The following SCUBE1 variants were observed in gnomAD, a reference collection of about 807,000 sequenced individuals.
SCUBE1 encodes signal peptide, CUB and EGF-like domain-containing protein 1.
Under a neutral mutation model 124.4 loss-of-function variants are expected in SCUBE1, and 59 were observed. The ratio of observed to expected loss-of-function variants is 0.47; its 90% CI spans 0.38 to 0.59. The LOEUF (loss-of-function observed/expected upper bound fraction) is 0.59. Among genes scored for constraint, SCUBE1 ranks in the 20% least tolerant of loss-of-function variants. The pLI, the probability that SCUBE1 is intolerant of heterozygous loss-of-function variation, is 0.00. For synonymous variants in SCUBE1, 545 were observed against 550.9 expected, an observed-to-expected ratio of 0.99 and a Z score of 0.15; for missense variants, 1,150 against 1,371.2, an observed-to-expected ratio of 0.84 and a Z score of 2.55.
chr22:43,210,902 G>C lies in SCUBE1; in HGVS notation c.2383+20C>G. 6.3e-7 allele frequency: 1 copy of C among 1,595,660 alleles called. No individual in the cohort carries two copies. Among genetic ancestry groups the C allele is most frequent in the African/African-American group, 1.3e-5 (1 of 74,576 alleles). ...CCCTCCCGTGTTCCCAGCTTCCCACGGCAGAGCAGCAGCACCCACTTTTGC... is the reference window on the plus strand; with the variant it reads ...CCCTCCCGTGTTCCCAGCTTCCCACCGCAGAGCAGCAGCACCCACTTTTGC... On this transcript the variant is annotated intron_variant, in intron 18 of 21. Transcript: ENST00000360835. The surrounding 1 kb of genome is among the most constrained non-coding windows in gnomAD (Gnocchi z 4.5).
intron 2 of SCUBE1, among the ~76,000 whole-genome samples, chr22:43,337,401 G>A (rs1184251813): frequency 6.6e-6 from 1 of 152,236 alleles, no homozygotes; most frequent in Non-Finnish European, 1.5e-5. Flanking sequence ...GTCAACCATG[G>A]CCCCGCCTTT....
chr22:43,216,003 C>T (rs970693738), intron 15 of SCUBE1, among the ~76,000 whole-genome samples: 2 of 151,972 alleles, frequency 1.3e-5, no homozygotes, highest in East Asian at 3.9e-4. Context: ...GTTTTTTGTT[C>T]TGCTTGACAA....
intron 2 of SCUBE1, 91 bp from the exon 3 acceptor site, chr22:43,320,156 A>AG: frequency 2.0e-6 from 3 of 1,496,110 alleles, no homozygotes; most frequent in Non-Finnish European, 2.8e-6. Flanking sequence ...CTGAGTGATT[A>AG]GGGGATGATT....
chr22:43,281,559 C>CTCTTTGGCCACCCTCCTGTCACCTCCCT (rs371084124), intron 4 of SCUBE1, among the ~76,000 whole-genome samples: 19 of 88,684 alleles, frequency 2.1e-4, no homozygotes, highest in African/African-American at 1.2e-3. Context: ...TGTCACCTCC[C>CTCTTTGGCCACCCTCCTGTCACCTCCCT]CCTCAGCCAC....
intron 19 of SCUBE1, 111 bp downstream of exon 19, chr22:43,209,932 G>A (rs2146653416): frequency 8.4e-7 from 1 of 1,184,326 alleles, no homozygotes; most frequent in Non-Finnish European, 1.2e-6. Context: ...TGAGCCCCAG[G>A]GCCCTCCTCT....
At chr22:43,241,949 C>T (rs931277287) in intron 6 of SCUBE1, among the ~76,000 whole-genome samples, 9 of 152,260 alleles carry the variant, frequency 5.9e-5, no homozygotes, top group South Asian at 2.1e-4. Context: ...CTTCCCGCTT[C>T]GGGGCCTGGG....
At chr22:43,254,028 C>A (rs754830305) in intron 6 of SCUBE1, among the ~76,000 whole-genome samples, 1 of 152,256 alleles carries the variant, frequency 6.6e-6, no homozygotes, top group African/African-American at 2.4e-5. Flanking sequence ...GTGGTCATAC[C>A]TGTTGGCTGG....
At chr22:43,279,915 C>G (rs1190698727) in intron 4 of SCUBE1, among the ~76,000 whole-genome samples, 3 of 152,166 alleles carry the variant, frequency 2.0e-5, no homozygotes, top group Non-Finnish European at 4.4e-5. Context: ...GTCCCCAGTC[C>G]CCTAGGGAGA....
In SCUBE1 at chr22:43,234,036, C is replaced by T. The variant is rs1448866466; in HGVS notation, c.845-2161G>A. Among the ~76,000 whole-genome samples the T allele has an allele frequency of 1.3e-5, 2 of 152,018 alleles. No individual in the cohort carries two copies. Among genetic ancestry groups the T allele is most frequent in the Non-Finnish European group, 2.9e-5 (2 of 67,996 alleles). ...GCTCTCAGCCAGCACCATCCGAACC[C>T]AAAGACGGGCCTGCTGCAGCACATC... On this transcript the variant is annotated intron_variant, in intron 7 of 21. Coordinates refer to ENST00000360835, the MANE Select transcript of SCUBE1 (RefSeq NM_173050.5). The surrounding 1 kb of genome is among the most constrained non-coding windows in gnomAD (Gnocchi z 4.4).
chr22:43,340,639 G>A (rs1173286589), intron 1 of SCUBE1, among the ~76,000 whole-genome samples: 1 of 151,440 alleles, frequency 6.6e-6, no homozygotes, highest in Admixed American at 6.6e-5. Context: ...GAGGAAATGA[G>A]GCCCAGTGAG....
chr22:43,272,576 G>GC (rs1468893468), intron 4 of SCUBE1: 3 of 152,216 alleles, frequency 2.0e-5, no homozygotes, highest in South Asian at 2.1e-4. Context: ...TTCCAGGCAG[G>GC]CGCAGGCCTT....
Position 43,204,138 on chromosome 22 carries a change from C to T in SCUBE1, c.2826G>A (p.Leu942=), listed in dbSNP as rs1921122161. Residue 942 remains leucine (L), a synonymous_variant, in exon 22 of 22, where the codon CTG becomes CTA. Transcript: ENST00000360835. The stretch of plus-strand genomic sequence containing the variant: ...CCAGCACGTCGAAGAGGGCCTTGAT[C>T]AGCTTCTTGTCCTGTAAGATAGAGT... ...NHQEILKDKK[L]IKALFDVLAH... The T allele has an allele frequency of 6.2e-7, 1 of 1,613,754 alleles. No individual in the cohort carries two copies. Among genetic ancestry groups the T allele is most frequent in the African/African-American group, 1.3e-5 (1 of 74,860 alleles).
chr22:43,319,382 T>C (rs369651643), intron 3 of SCUBE1, among the ~76,000 whole-genome samples: 1 of 151,734 alleles, frequency 6.6e-6, no homozygotes, highest in Non-Finnish European at 1.5e-5. Flanking sequence ...CTGGCAACCA[T>C]GGCGAAACTC....
In SCUBE1 at chr22:43,343,249, C is replaced by T. The variant is rs1485308288; in HGVS notation, c.13G>A (p.Ala5Thr). 2.5e-6 allele frequency: 3 copies of T among 1,182,558 alleles called. No homozygotes were observed. Among genetic ancestry groups the T allele is most frequent in the South Asian group, 2.8e-5 (1 of 35,794 alleles). The allele number at this position is 1,182,558 out of a possible 1,614,324, so 73.3% of individuals were successfully genotyped here. A position where few individuals can be genotyped will look rare whatever the true frequency, so the allele number is the denominator to read the frequency against. ...AGCACGCACAAGTGCCAGCGCACGGCCGCCGCGCCCATGCTCAATGCGGGC... is the reference window on the plus strand; with the variant it reads ...AGCACGCACAAGTGCCAGCGCACGGTCGCCGCGCCCATGCTCAATGCGGGC... MGAAAVRWHLCVLLA... is the reference protein window; with the variant it reads MGAATVRWHLCVLLA... The change falls in exon 1 of 22, where the codon GCC becomes ACC. Residue 5 changes from alanine (A) to threonine (T), a missense_variant. Ala to Thr is a moderately conservative substitution (Grantham distance 58). Coordinates refer to ENST00000360835, the MANE Select transcript of SCUBE1 (RefSeq NM_173050.5).
chr22:43,257,821 T>C (rs1385661838), intron 6 of SCUBE1, among the ~76,000 whole-genome samples: 2 of 152,190 alleles, frequency 1.3e-5, no homozygotes, highest in Non-Finnish European at 2.9e-5. Context: ...CTGTCTTCCA[T>C]ATTAGGGGAG....
chr22:43,212,742 C>CGCAGCAGCCGGGGT, intron 16 of SCUBE1, 150 bp from the exon 17 acceptor site: 1 of 732,968 alleles, frequency 1.4e-6, no homozygotes, highest in Non-Finnish European at 2.2e-6. Context: ...GTGGGGAAAA[C>CGCAGCAGCCGGGGT]GCAGCAGCCG....
intron 21 of SCUBE1, among the ~76,000 whole-genome samples, chr22:43,204,487 C>T (rs544121021): frequency 1.4e-4 from 22 of 151,780 alleles, no homozygotes; most frequent in African/African-American, 4.8e-4. Context: ...TCAGTAGAGA[C>T]GCATTTTCAC....
intron 6 of SCUBE1, among the ~76,000 whole-genome samples, chr22:43,249,921 G>A (rs1923373971): frequency 6.6e-6 from 1 of 152,250 alleles, no homozygotes; most frequent in South Asian, 2.1e-4. Flanking sequence ...CTCACCTGCA[G>A]ATCTGTCCCT....
At position 43,220,576 on chromosome 22, in the gene SCUBE1, C is replaced by T. The variant is rs1440958989; in HGVS notation, c.1561G>A (p.Val521Met). The T allele has an allele frequency of 6.2e-7, 1 of 1,613,888 alleles. No homozygotes were observed. The highest frequency in any genetic ancestry group is 8.5e-7 in the Non-Finnish European group (1 of 1,179,966). ...ARQPLLDHCH[V>M]TFVTLKCDSS... ...TCACACTTGAGGGTCACGAAAGTCA[C>T]ATGGCAGTGGTCTGGACGAGGAAAG... Residue 521 changes from valine to methionine, a missense_variant, in exon 14 of 22, where the codon GTG (valine) becomes ATG (methionine). Val to Met is a conservative substitution (Grantham distance 21, BLOSUM62 1). Coordinates refer to ENST00000360835, the MANE Select transcript of SCUBE1 (RefSeq NM_173050.5).
Sources: allele counts gnomAD v4.1 joint callset (sites outside exome capture counted in the v4.1 genomes callset), GRCh38; gene constraint gnomAD v4.1.1; non-coding constraint Gnocchi (gnomAD v3.1); transcripts MANE v1.5; gene names NCBI Gene and HGNC (gene_info 2026-07-23, HGNC 2026-07-21).